The following CHD9 variants were observed in gnomAD, a reference collection of about 807,000 sequenced individuals.
CHD9 encodes the protein chromodomain helicase DNA binding protein 9.
A neutral mutation model predicts 316.1 loss-of-function variants in CHD9; 77 were observed. The observed-to-expected ratio is 0.24, with a 90% CI of 0.20 to 0.29. The LOEUF (loss-of-function observed/expected upper bound fraction) is 0.29, where lower values mean the gene tolerates loss of function less well. Ranked by LOEUF, CHD9 falls within the 10% of genes least tolerant of loss-of-function variation. CHD9 has a pLI of 1.00. For missense variants in CHD9, 2,763 were observed against 3,438.1 expected (o/e 0.80, Z 4.91); for synonymous variants, 1,129 against 1,158.3 (o/e 0.97, Z 0.51).
chr16:53,307,995 G>T, intron 33 of CHD9, 42 bp downstream of exon 33: 1 of 1,518,194 alleles, frequency 6.6e-7, no homozygotes, highest in South Asian at 1.3e-5. Flanking sequence ...TTGCGATTGC[G>T]GTGTGCAGCA....
chr16:53,166,774 A>G (rs996902793), intron 2 of CHD9, among the ~76,000 whole-genome samples: 5 of 152,184 alleles, frequency 3.3e-5, no homozygotes, highest in African/African-American at 9.6e-5. Flanking sequence ...TTGGTCAACT[A>G]TGCAAATACT....
In CHD9 at chr16:53,255,249, C is replaced by T. The variant is rs554150738; in HGVS notation, c.4030-351C>T. On this transcript the variant is annotated intron_variant, in intron 18 of 38. Coordinates refer to ENST00000447540, the MANE Select transcript of CHD9 (RefSeq NM_001308319.2). The stretch of plus-strand genomic sequence containing the variant: ...GCTTGAGTCCAGGAGGTCAAGGCTG[C>T]AGTGAGCTGTGTTTACACCACTGCA... Among the ~76,000 whole-genome samples, 30 of 152,128 alleles carry T rather than the reference C, an allele frequency of 2.0e-4. No homozygotes were observed. The South Asian group carries it at 6.2e-3, about 32-fold the overall frequency.
chr16:53,213,301 G>T (rs2046475988), intron 3 of CHD9, among the ~76,000 whole-genome samples: 1 of 152,140 alleles, frequency 6.6e-6, no homozygotes, highest in Non-Finnish European at 1.5e-5. Context: ...GCAAAATGAA[G>T]GGTGAGGTAG....
chr16:53,139,231 A>T (rs2039926293), intron 1 of CHD9, among the ~76,000 whole-genome samples: 1 of 152,146 alleles, frequency 6.6e-6, no homozygotes, highest in Non-Finnish European at 1.5e-5. Context: ...GGAAGTTAGG[A>T]GTGAAGGCTT....
At chr16:53,279,904 C>T (rs963021772) in intron 24 of CHD9, among the ~76,000 whole-genome samples, 6 of 151,982 alleles carry the variant, frequency 3.9e-5, no homozygotes, top group Non-Finnish European at 8.8e-5. Context: ...TACAAGTGGT[C>T]AACAAACATA....
chr16:53,290,855 T>G (rs1382364340), intron 27 of CHD9, among the ~76,000 whole-genome samples: 4 of 152,290 alleles, frequency 2.6e-5, no homozygotes, highest in Admixed American at 2.0e-4. Flanking sequence ...CAGTGGAATA[T>G]GTATTAAAAA....
At chr16:53,104,469 T>C (rs1271298106) in intron 1 of CHD9, among the ~76,000 whole-genome samples, 1 of 152,212 alleles carries the variant, frequency 6.6e-6, no homozygotes, top group African/African-American at 2.4e-5. Context: ...TTTTGTTAAA[T>C]TATTTTTTTA....
intron 1 of CHD9, among the ~76,000 whole-genome samples, chr16:53,123,798 G>A (rs987234318): frequency 6.6e-5 from 10 of 152,018 alleles, no homozygotes; most frequent in South Asian, 4.1e-4. Flanking sequence ...CACCACGCCC[G>A]GCCTAATTTT....
intron 28 of CHD9, 116 bp downstream of exon 28, chr16:53,291,883 A>C: frequency 1.7e-6 from 1 of 592,164 alleles, no homozygotes; most frequent in Non-Finnish European, 2.8e-6. Context: ...ATTTTTATTG[A>C]CTGCCATTGT....
intron 1 of CHD9, among the ~76,000 whole-genome samples, chr16:53,088,161 C>G (rs1218562398): frequency 2.0e-5 from 3 of 151,982 alleles, no homozygotes; most frequent in Non-Finnish European, 4.4e-5. Flanking sequence ...GTTCTAGCCC[C>G]TATATCCTTT....
chr16:53,300,162 G>C, intron 30 of CHD9, among the ~76,000 whole-genome samples: 1 of 152,104 alleles, frequency 6.6e-6, no homozygotes, highest in East Asian at 1.9e-4. Context: ...GACCAGCCTG[G>C]CCAACGTGGC....
At chr16:53,238,259 T>C (rs1173143387) in intron 11 of CHD9, 84 bp from the exon 12 acceptor site, 1 of 1,206,202 alleles carries the variant, frequency 8.3e-7, no homozygotes, top group East Asian at 2.6e-5. Flanking sequence ...TTTTATTTGA[T>C]CTTTGATTAT....
intron 2 of CHD9, among the ~76,000 whole-genome samples, chr16:53,176,947 T>G (rs2043135227): frequency 6.6e-6 from 1 of 152,068 alleles, no homozygotes; most frequent in African/African-American, 2.4e-5. Flanking sequence ...ACATCTTTAT[T>G]TATTTAATTT....
chr16:53,304,150 A>G lies in CHD9; in HGVS notation c.6144A>G (p.Lys2048=). Residue 2048 remains lysine, a synonymous_variant, in exon 31 of 39, where the codon AAA becomes AAG. Transcript: ENST00000447540. The part of the protein sequence containing the change: ...KGIILEEMKV[K]SENLKEEPQS... ...TTATTCTAGAGGAGATGAAAGTTAA[A>G]AGTGAAAACCTTAAAGAGGAGCCTC... 6.2e-7 allele frequency: 1 copy of G among 1,613,058 alleles called. No individual in the cohort carries two copies. Among genetic ancestry groups the G allele is most frequent in the Non-Finnish European group, 8.5e-7 (1 of 1,179,646 alleles).
At chr16:53,302,206 A>T (rs1395288776) in intron 30 of CHD9, among the ~76,000 whole-genome samples, 1 of 152,136 alleles carries the variant, frequency 6.6e-6, no homozygotes, top group Non-Finnish European at 1.5e-5. Flanking sequence ...TTGTTCCAAG[A>T]TCCTACAATG....
chr16:53,211,996 T>G (rs1451423034), intron 3 of CHD9, among the ~76,000 whole-genome samples: 1 of 152,218 alleles, frequency 6.6e-6, no homozygotes, highest in East Asian at 1.9e-4. Flanking sequence ...TTTAAAATTT[T>G]TTATTTTTCT....
chr16:53,116,334 A>G (rs2038301037), intron 1 of CHD9, among the ~76,000 whole-genome samples: 1 of 152,180 alleles, frequency 6.6e-6, no homozygotes. Flanking sequence ...TGCTGGGATT[A>G]TAGGCGTGAG....
intron 38 of CHD9, among the ~76,000 whole-genome samples, chr16:53,323,472 T>A (rs1488698454): frequency 6.6e-6 from 1 of 152,236 alleles, no homozygotes; most frequent in African/African-American, 2.4e-5. Flanking sequence ...TCCTGGACTT[T>A]ATGGTTCCCA....
At chr16:53,268,322 G>C (rs894376186) in intron 22 of CHD9, among the ~76,000 whole-genome samples, 196 bp downstream of exon 22, 1 of 152,096 alleles carries the variant, frequency 6.6e-6, no homozygotes, top group South Asian at 2.1e-4. Flanking sequence ...TATCAAATAC[G>C]TATCTGTTTG....
Sources: allele counts gnomAD v4.1 joint callset (sites outside exome capture counted in the v4.1 genomes callset), GRCh38; gene constraint gnomAD v4.1.1; transcripts MANE v1.5; gene names NCBI Gene and HGNC (gene_info 2026-07-23, HGNC 2026-07-21).